ACMSD: variants seen among roughly 807,000 people sequenced by gnomAD.
ACMSD encodes the protein aminocarboxymuconate semialdehyde decarboxylase.
In ACMSD, 37 loss-of-function variants were observed where a neutral mutation model predicts 45.9. That is an observed-to-expected ratio of 0.81 (90% CI 0.62 to 1.06). The LOEUF is 1.06. ACMSD is among the 50% of genes least tolerant of loss of function. The pLI, the probability that ACMSD is intolerant of heterozygous loss-of-function variation, is 0.00. For missense variants in ACMSD, 434 were observed against 420.9 expected, an observed-to-expected ratio of 1.03 and a Z score of -0.27; for synonymous variants, 138 against 148.8, an observed-to-expected ratio of 0.93 and a Z score of 0.53.
At chr2:134,896,501 TAG>T (rs1382006627) in intron 8 of ACMSD, among the ~76,000 whole-genome samples, 10 of 152,198 alleles carry the variant, frequency 6.6e-5, no homozygotes, top group Admixed American at 6.5e-4. Flanking sequence ...GGGATCTTAG[TAG>T]ACATTTCTCC....
chr2:134,857,738 C>G (rs1687649808), intron 2 of ACMSD: 1 of 151,328 alleles, frequency 6.6e-6, no homozygotes, highest in Non-Finnish European at 1.5e-5. Flanking sequence ...AAAATGAGCC[C>G]CCTTGTCATG....
In ACMSD at chr2:134,863,880, C is replaced by T. The variant is rs917847443; in HGVS notation, c.486+249C>T. On this transcript the variant is annotated intron_variant, in intron 5 of 9. Coordinates refer to ENST00000356140, the MANE Select transcript of ACMSD (RefSeq NM_138326.3). ...ACAGTGAAATCTCTTTTCTTTCCAT[C>T]CCCCTTGCCCTCCTTTTAATCTTTC... Among the ~76,000 whole-genome samples, 3 of 152,200 alleles carry T rather than the reference C, an allele frequency of 2.0e-5. No homozygotes were observed. The East Asian group carries it at 5.8e-4, about 29-fold the overall frequency.
chr2:134,871,523 T>C (rs965787246), intron 7 of ACMSD, among the ~76,000 whole-genome samples: 1 of 151,088 alleles, frequency 6.6e-6, no homozygotes, highest in Non-Finnish European at 1.5e-5. Flanking sequence ...TTTTTTTTTT[T>C]CTGTTTTTTT....
chr2:134,850,132 A>G (rs993089119), intron 2 of ACMSD, among the ~76,000 whole-genome samples: 2 of 151,100 alleles, frequency 1.3e-5, no homozygotes, highest in Admixed American at 6.6e-5. Context: ...TAAAAAATGA[A>G]AAAGATTGCA....
intron 8 of ACMSD, among the ~76,000 whole-genome samples, chr2:134,886,717 C>G (rs1168535100): frequency 2.6e-5 from 4 of 152,124 alleles, no homozygotes; most frequent in Non-Finnish European, 5.9e-5. Flanking sequence ...CTCACGCCTT[C>G]CAATCAACAA....
intron 8 of ACMSD, 132 bp downstream of exon 8, chr2:134,872,773 A>C: frequency 9.0e-7 from 1 of 1,115,728 alleles, no homozygotes; most frequent in Admixed American, 2.1e-5. Context: ...AGAGACAGTG[A>C]GGTTTGGGAT....
intron 1 of ACMSD, among the ~76,000 whole-genome samples, chr2:134,841,779 T>C (rs1239178788): frequency 2.0e-5 from 3 of 152,246 alleles, no homozygotes; most frequent in African/African-American, 7.2e-5. Context: ...CTTCTAATTA[T>C]AAATGGAGCA....
intron 3 of ACMSD, 151 bp from the exon 4 acceptor site, chr2:134,861,818 G>C (rs925071100): frequency 6.7e-6 from 5 of 748,080 alleles, no homozygotes; most frequent in Non-Finnish European, 1.2e-5. Flanking sequence ...TGGGGGCTGA[G>C]GGGGGTCCAG....
intron 6 of ACMSD, among the ~76,000 whole-genome samples, chr2:134,869,803 C>G (rs911713759): frequency 6.6e-6 from 1 of 152,066 alleles, no homozygotes; most frequent in Admixed American, 6.6e-5. Flanking sequence ...GGATTCCCAG[C>G]AGAGAAGTGT....
chr2:134,847,466 A>G (rs1687120210), intron 2 of ACMSD, among the ~76,000 whole-genome samples: 1 of 152,114 alleles, frequency 6.6e-6, no homozygotes, highest in African/African-American at 2.4e-5. Context: ...AGAGATAGAG[A>G]TAGATATATA....
chr2:134,894,015 A>T (rs1264539877), intron 8 of ACMSD, among the ~76,000 whole-genome samples: 1 of 152,198 alleles, frequency 6.6e-6, no homozygotes, highest in Non-Finnish European at 1.5e-5. Context: ...TATATTAAAA[A>T]AGAAGAAAGA....
intron 7 of ACMSD, among the ~76,000 whole-genome samples, chr2:134,871,682 GACACACACAC>G (rs1170611331): frequency 7.2e-6 from 1 of 138,898 alleles, no homozygotes; most frequent in Non-Finnish European, 1.5e-5. Flanking sequence ...TCAACAGACA[GACACACACAC>G]ACACACACAC....
chr2:134,849,368 A>G (rs1214935386), intron 2 of ACMSD, among the ~76,000 whole-genome samples: 1 of 152,212 alleles, frequency 6.6e-6, no homozygotes, highest in Non-Finnish European at 1.5e-5. Context: ...AAACCAAAAC[A>G]TACCCAGTCT....
At chr2:134,857,746 A>T (rs1315278209) in intron 2 of ACMSD, 1 of 151,454 alleles carries the variant, frequency 6.6e-6, no homozygotes, top group Non-Finnish European at 1.5e-5. Context: ...CCCCCTTGTC[A>T]TGTTCCTGAT....
intron 9 of ACMSD, among the ~76,000 whole-genome samples, chr2:134,898,743 T>C (rs1218345934): frequency 1.3e-5 from 2 of 152,202 alleles, no homozygotes; most frequent in African/African-American, 4.8e-5. Context: ...AAATTTTTTC[T>C]ATATTACTTC....
intron 6 of ACMSD, among the ~76,000 whole-genome samples, chr2:134,868,443 AT>A (rs869288407): frequency 1.6e-5 from 2 of 127,674 alleles, no homozygotes; most frequent in Admixed American, 8.9e-5. Context: ...AGTGCTGGAT[AT>A]TTTTTTCTTT....
chr2:134,893,122 C>T (rs1340430840), intron 8 of ACMSD, among the ~76,000 whole-genome samples: 1 of 152,092 alleles, frequency 6.6e-6, no homozygotes, highest in Non-Finnish European at 1.5e-5. Flanking sequence ...ATCCAACAGA[C>T]ACTATCCAGT....
chr2:134,844,067 G>T (rs750575007), intron 1 of ACMSD, among the ~76,000 whole-genome samples: 1 of 152,204 alleles, frequency 6.6e-6, no homozygotes, highest in Non-Finnish European at 1.5e-5. Flanking sequence ...GCTTGTCATA[G>T]ATGGGACTCC....
intron 8 of ACMSD, among the ~76,000 whole-genome samples, chr2:134,878,949 T>G (rs1423900400): frequency 6.6e-6 from 1 of 152,212 alleles, no homozygotes; most frequent in Non-Finnish European, 1.5e-5. Context: ...ACAACAGCCT[T>G]AAGCTTCTGA....
Sources: gnomAD v4.1 joint callset for allele counts (sites outside exome capture counted in the v4.1 genomes callset) on GRCh38, gnomAD v4.1.1 for gene constraint, MANE v1.5 for transcripts, NCBI Gene and HGNC (gene_info 2026-07-23, HGNC 2026-07-21) for gene names.